GAK: variants seen among roughly 807,000 people sequenced by gnomAD.
GAK encodes the protein cyclin-G-associated kinase.
In GAK, 79 loss-of-function variants were observed where a neutral mutation model predicts 143.9. That is an observed-to-expected ratio of 0.55 (90% confidence interval 0.46 to 0.66). The LOEUF (loss-of-function observed/expected upper bound fraction) is 0.66, where lower values mean the gene tolerates loss of function less well. GAK is among the 30% of genes least tolerant of loss of function. GAK has a pLI of 0.00. For missense variants in GAK, 1,693 were observed against 1,779.7 expected, an observed-to-expected ratio of 0.95 and a Z score of 0.88; for synonymous variants, 881 against 765.5, an observed-to-expected ratio of 1.15 and a Z score of -2.49.
chr4:920,112 T>C (rs1192985494), intron 1 of GAK, among the ~76,000 whole-genome samples: 2 of 152,022 alleles, frequency 1.3e-5, no homozygotes, highest in Non-Finnish European at 2.9e-5. Flanking sequence ...ATCGAGACCA[T>C]CCTGGCTAAC....
intron 24 of GAK, among the ~76,000 whole-genome samples, chr4:856,847 G>A (rs1042390431): frequency 6.6e-6 from 1 of 152,226 alleles, no homozygotes. Flanking sequence ...GAGCACTGGG[G>A]TTACGGTGTG....
chr4:882,645 A>G, intron 14 of GAK, 52 bp downstream of exon 14: 1 of 1,596,938 alleles, frequency 6.3e-7, no homozygotes, highest in South Asian at 1.1e-5. Context: ...ACTATGCATG[A>G]AATAATGAAC....
chr4:916,084 G>C (rs1723054540), intron 1 of GAK, among the ~76,000 whole-genome samples: 1 of 152,118 alleles, frequency 6.6e-6, no homozygotes, highest in Non-Finnish European at 1.5e-5. Flanking sequence ...TGATTTTTTA[G>C]ATATAAGCAC....
chr4:868,174 G>A (rs983256986), intron 20 of GAK, among the ~76,000 whole-genome samples: 1 of 152,124 alleles, frequency 6.6e-6, no homozygotes, highest in African/African-American at 2.4e-5. Context: ...GCAAAGAGAG[G>A]TGTGGGATCC....
intron 24 of GAK, chr4:852,629 A>G (rs1367719423): frequency 6.5e-6 from 1 of 153,218 alleles, no homozygotes; most frequent in Admixed American, 6.5e-5. Context: ...TTTTTAGTAG[A>G]GGTGGGATTT....
intron 17 of GAK, 74 bp downstream of exon 17, chr4:877,016 C>A (rs528696207): frequency 9.9e-7 from 1 of 1,009,566 alleles, no homozygotes. Context: ...GAGAAGTGAG[C>A]GCACTGTGGC....
intron 1 of GAK, among the ~76,000 whole-genome samples, chr4:916,263 ATTT>A (rs961055929): frequency 6.6e-6 from 1 of 151,744 alleles, no homozygotes; most frequent in Non-Finnish European, 1.5e-5. Flanking sequence ...AGTAACAACA[ATTT>A]TTTTTTCTTC....
intron 1 of GAK, among the ~76,000 whole-genome samples, chr4:916,817 A>C (rs2152954644): frequency 2.0e-5 from 3 of 152,352 alleles, no homozygotes; most frequent in Middle Eastern, 6.8e-3. Context: ...TAAATCAACA[A>C]TACAGCCCTG....
chr4:919,729 A>G (rs988919349), intron 1 of GAK, among the ~76,000 whole-genome samples: 1 of 152,166 alleles, frequency 6.6e-6, no homozygotes, highest in African/African-American at 2.4e-5. Flanking sequence ...TCTGATATCT[A>G]ACATTACATC....
intron 15 of GAK, 37 bp downstream of exon 15, chr4:881,870 C>A (rs1342206692): frequency 1.3e-6 from 2 of 1,538,268 alleles, no homozygotes; most frequent in African/African-American, 2.7e-5. Context: ...CACGGGCCCA[C>A]AGAGCTGTCC....
chr4:877,279 G>GA, intron 16 of GAK, 72 bp from the exon 17 acceptor site: 1 of 1,045,208 alleles, frequency 9.6e-7, no homozygotes, highest in Non-Finnish European at 1.5e-6. Flanking sequence ...ACAAAAAACA[G>GA]AATGAGAAAT....
At chr4:856,567 TCAC>T (rs1393416242) in intron 24 of GAK, among the ~76,000 whole-genome samples, 29 of 92,614 alleles carry the variant, frequency 3.1e-4, no homozygotes, top group South Asian at 1.5e-3. Context: ...CCACAGCTGC[TCAC>T]CACAGCTGCT....
chr4:889,454 A>C lies in GAK; in HGVS notation c.1082-484T>G, dbSNP rs570709148. On this transcript the variant is annotated intron_variant, in intron 10 of 27. Coordinates refer to ENST00000314167, the MANE Select transcript of GAK (RefSeq NM_005255.4). ...GTGGCACAAGTGGTGTTAAAAAAAA[A>C]ACACCTGGCCAAAGTCCCTCATGCA... Among the ~76,000 whole-genome samples, 305 of 151,916 alleles carry C rather than the reference A, an allele frequency of 2.0e-3. 12 individuals carry two copies. In the South Asian group the frequency reaches 0.059, roughly 29 times the overall value.
intron 8 of GAK, 112 bp downstream of exon 8, chr4:893,762 G>A (rs1026650077): frequency 1.4e-5 from 18 of 1,278,456 alleles, no homozygotes; most frequent in Middle Eastern, 2.0e-4. Flanking sequence ...CTATGGTGAC[G>A]GGCGGGAGTG....
chr4:893,507 C>T lies in GAK; in HGVS notation c.878-18G>A, dbSNP rs773843224. 69 of 1,525,360 alleles carry T rather than the reference C, an allele frequency of 4.5e-5. 1 individual carries two copies. The highest frequency in any genetic ancestry group is 5.4e-5 in the Non-Finnish European group (62 of 1,140,528). 94.5% of individuals were successfully genotyped at this position (1,525,360 alleles called of 1,614,324 possible). ...CATGGCGCCTGCAGCAGAAGCACAG[C>T]GCGCTCGGCCCCACGGTTCCCCAGG... On this transcript the variant is annotated intron_variant, in intron 8 of 27. Coordinates refer to ENST00000314167, the MANE Select transcript of GAK (RefSeq NM_005255.4).
chr4:928,033 C>T (rs1291254471), intron 1 of GAK, among the ~76,000 whole-genome samples: 1 of 152,176 alleles, frequency 6.6e-6, no homozygotes, highest in East Asian at 1.9e-4. Flanking sequence ...GGGTCGGCTA[C>T]AAGGCTGGCT....
chr4:875,505 C>T (rs1366756480), intron 18 of GAK, among the ~76,000 whole-genome samples: 8 of 152,236 alleles, frequency 5.3e-5, no homozygotes, highest in African/African-American at 1.9e-4. Context: ...CCCCGTGGGG[C>T]TGGCCCAAGG....
At chr4:890,462 A>G (rs1180262813) in intron 10 of GAK, 70 bp downstream of exon 10, 1 of 1,202,450 alleles carries the variant, frequency 8.3e-7, no homozygotes, top group Non-Finnish European at 1.2e-6. Flanking sequence ...ACTCCATCCC[A>G]ATGTGCTGCG....
chr4:894,062 G>C lies in GAK; in HGVS notation c.742-53C>G, dbSNP rs1248399270. 5.5e-6 allele frequency: 8 copies of C among 1,459,018 alleles called. No homozygotes were observed. The African/African-American group carries it at 1.0e-4, about 19-fold the overall frequency. The allele number at this position is 1,459,018 out of a possible 1,614,324, so 90.4% of individuals were successfully genotyped here. A position where few individuals can be genotyped will look rare whatever the true frequency, so the allele number is the denominator to read the frequency against. ...GGCCCACGGGGAGCGCAGGGGTGAC[G>C]CCTGGGCCTGCGGGGAGAGCAGGGG... On this transcript the variant is annotated intron_variant, in intron 7 of 27. Transcript: ENST00000314167.
Sources: gnomAD v4.1 joint callset for allele counts (sites outside exome capture counted in the v4.1 genomes callset) on GRCh38, gnomAD v4.1.1 for gene constraint, MANE v1.5 for transcripts, NCBI Gene and HGNC (gene_info 2026-07-23, HGNC 2026-07-21) for gene names.